MGAM2: variants seen among roughly 807,000 people sequenced by gnomAD.
MGAM2 encodes the protein maltase-glucoamylase 2 (putative).
MGAM2 carries 98 observed loss-of-function variants against 96.1 expected under a neutral mutation model. The ratio of observed to expected loss-of-function variants is 1.02; its 90% CI spans 0.87 to 1.21. The LOEUF is 1.21. Among genes scored for constraint, MGAM2 ranks in the 50% most tolerant of loss-of-function variants. The pLI is 0.00. For synonymous variants in MGAM2, 749 were observed against 414.8 expected, an observed-to-expected ratio of 1.81 and a Z score of -9.79; for missense variants, 2,055 against 1,182.4, an observed-to-expected ratio of 1.74 and a Z score of -10.82.
At chr7:142,115,704 G>A (rs1401979317) in intron 1 of MGAM2, among the ~76,000 whole-genome samples, 1 of 152,068 alleles carries the variant, frequency 6.6e-6, no homozygotes, top group Non-Finnish European at 1.5e-5. Context: ...AATTAGCAGG[G>A]CATGGTGACG....
Position 142,121,996 on chromosome 7 carries a change from G to T in MGAM2, c.186+1615G>T, listed in dbSNP as rs376112575. 4.8e-4 allele frequency among the ~76,000 whole-genome samples: 73 copies of T among 152,114 alleles called. 1 individual carries two copies. In the South Asian group the frequency reaches 0.014, roughly 29 times the overall value. The stretch of plus-strand genomic sequence containing the variant: ...CACAAAGTTAGCTATTGGCTTAAGA[G>T]AATTGTTTTATTGATATATGTTAGG... On this transcript the variant is annotated intron_variant, in intron 3 of 47. Coordinates refer to ENST00000477922, the MANE Select transcript of MGAM2 (RefSeq NM_001293626.2).
chr7:142,197,499 C>T lies in MGAM2; in HGVS notation c.4732C>T (p.His1578Tyr), dbSNP rs1297387637. The T allele has an allele frequency of 1.4e-6, 1 of 703,122 alleles. No homozygotes were observed. Among genetic ancestry groups the T allele is most frequent in the Non-Finnish European group, 2.6e-6 (1 of 385,038 alleles). The allele number at this position is 703,122 out of a possible 1,614,324, so 43.6% of individuals were successfully genotyped here. Residue 1578 changes from histidine (H) to tyrosine (Y), a missense_variant, in exon 41 of 48, where the codon CAT becomes TAT. His to Tyr is a moderately conservative substitution (Grantham distance 83). Transcript: ENST00000477922. ...TLLPYLYTLMHKAHVEGSTVV... is the reference protein window; with the variant it reads ...TLLPYLYTLMYKAHVEGSTVV... ...GCTTCCTTATCTCTATACTCTGATG[C>T]ATAAAGCTCACGTTGAGGGCAGCAC...
chr7:142,211,076 C>T (rs1003423338), intron 46 of MGAM2, among the ~76,000 whole-genome samples: 7 of 152,172 alleles, frequency 4.6e-5, no homozygotes, highest in Non-Finnish European at 7.4e-5. Flanking sequence ...CAGCAAACTC[C>T]AGCAGACCTG....
rs1796055743 is a variant in MGAM2 at position 142,167,273 on chromosome 7, A to G, written c.2814A>G (p.Thr938=). The G allele has an allele frequency of 1.4e-6, 1 of 692,088 alleles. No individual in the cohort carries two copies. The highest frequency in any genetic ancestry group is 2.6e-6 in the Non-Finnish European group (1 of 378,668). The allele number at this position is 692,088 out of a possible 1,614,324, so 42.9% of individuals were successfully genotyped here. ...ACTTTCTCCTGTTATTCCAGGACAC[A>G]TCTACTCCTGGAGTGCCCACCTGTT... is the stretch of plus-strand genomic sequence containing the variant. ...CRQRGCLWED[T]STPGVPTCYY... The change falls in exon 26 of 48, where the codon ACA becomes ACG. Residue 938 remains threonine, a synonymous_variant. Coordinates refer to ENST00000477922, the MANE Select transcript of MGAM2 (RefSeq NM_001293626.2).
At chr7:142,211,386 A>AGCT (rs1003883709) in intron 46 of MGAM2, among the ~76,000 whole-genome samples, 1 of 152,192 alleles carries the variant, frequency 6.6e-6, no homozygotes, top group African/African-American at 2.4e-5. Flanking sequence ...GGTAATAACA[A>AGCT]GCTCCTCCGA....
rs1366902355 is a variant in MGAM2, at chr7:142,131,028, C to G, written c.267C>G (p.Asn89Lys). The G allele has an allele frequency of 1.4e-6, 1 of 702,668 alleles. No homozygotes were observed. The highest frequency in any genetic ancestry group is 2.6e-6 in the Non-Finnish European group (1 of 385,010). 43.5% of individuals were successfully genotyped at this position (702,668 alleles called of 1,614,324 possible). ...TCCCTAGGTGCTTCTTCCCCTGGAA[C>G]TGGGGCTATGAAGCCAGCAATGGCC... ...ANVPRCFFPW[N>K]WGYEASNGHT... Residue 89 changes from asparagine to lysine, a missense_variant, in exon 4 of 48, where the codon AAC (asparagine) becomes AAG (lysine). By Grantham distance (94) the Asn-to-Lys change is moderately conservative (BLOSUM62 0). Transcript: ENST00000477922.
intron 17 of MGAM2, among the ~76,000 whole-genome samples, chr7:142,155,865 G>C (rs1358639528): frequency 6.6e-6 from 1 of 152,180 alleles, no homozygotes; most frequent in Admixed American, 6.5e-5. Context: ...GTACAAAAAG[G>C]CTGGGCACGG....
At chr7:142,118,405 G>A (rs545889853) in intron 2 of MGAM2, among the ~76,000 whole-genome samples, 190 of 152,200 alleles carry the variant, frequency 1.2e-3, no homozygotes, top group African/African-American at 3.6e-3. Context: ...ATGTAGAGCC[G>A]TAAAGATAGT....
intron 3 of MGAM2, 60 bp downstream of exon 3, chr7:142,120,441 T>C (rs1794532166): frequency 1.5e-6 from 1 of 685,314 alleles, no homozygotes; most frequent in Non-Finnish European, 2.7e-6. Context: ...GAAATGAATA[T>C]GTGAAGTGGG....
At chr7:142,182,306 G>A (rs976693511) in intron 32 of MGAM2, among the ~76,000 whole-genome samples, 1 of 152,196 alleles carries the variant, frequency 6.6e-6, no homozygotes, top group Admixed American at 6.5e-5. Context: ...CTCAGGTGGG[G>A]CAGTGGAGGC....
chr7:142,127,704 C>G (rs1383865474), intron 3 of MGAM2, among the ~76,000 whole-genome samples: 4 of 152,176 alleles, frequency 2.6e-5, no homozygotes, highest in African/African-American at 4.8e-5. Context: ...TTCCCCTGCA[C>G]AAGCTCTCTT....
intron 1 of MGAM2, among the ~76,000 whole-genome samples, chr7:142,112,399 T>G (rs978069689): frequency 6.6e-6 from 1 of 152,160 alleles, no homozygotes; most frequent in Non-Finnish European, 1.5e-5. Context: ...CTGCTGCTGA[T>G]TTTTAGAAGC....
At chr7:142,188,748 A>T (rs1444705125) in intron 36 of MGAM2, among the ~76,000 whole-genome samples, 1 of 152,236 alleles carries the variant, frequency 6.6e-6, no homozygotes, top group East Asian at 1.9e-4. Flanking sequence ...CTTTCACTAT[A>T]GTGTTCAATA....
chr7:142,131,514 C>G lies in MGAM2; in HGVS notation c.311-4C>G, dbSNP rs1457603287. On this transcript the variant is annotated splice_region_variant and splice_polypyrimidine_tract_variant and intron_variant, in intron 4 of 47. Transcript: ENST00000477922. ...TCTCTCTCTCCATATCTTGCCACCC[C>G]TAGGATTTACTGCCCAGTTGAAAAG... 20 of 702,654 alleles carry G rather than the reference C, an allele frequency of 2.8e-5. No individual in the cohort carries two copies. The highest frequency in any genetic ancestry group is 4.7e-5 in the Non-Finnish European group (18 of 384,874). 43.5% of individuals were successfully genotyped at this position (702,654 alleles called of 1,614,324 possible).
chr7:142,161,440 C>A (rs1417588995), intron 22 of MGAM2, among the ~76,000 whole-genome samples: 1 of 152,320 alleles, frequency 6.6e-6, no homozygotes, highest in Non-Finnish European at 1.5e-5. Flanking sequence ...ACCAAAGCAA[C>A]TGGCATTATT....
intron 32 of MGAM2, among the ~76,000 whole-genome samples, chr7:142,182,587 T>C (rs191049668): frequency 1.5e-3 from 232 of 152,326 alleles, no homozygotes; most frequent in Middle Eastern, 3.4e-3. Flanking sequence ...CTGCCTACTC[T>C]CCAGGCAGTT....
At position 142,221,659 on chromosome 7, in the gene MGAM2, A is replaced by G. The variant is rs990832515; in HGVS notation, c.7148A>G (p.His2383Arg). Residue 2383 changes from histidine (H) to arginine (R), a missense_variant, in exon 48 of 48, where the codon CAC (histidine) becomes CGC (arginine). Coordinates refer to ENST00000477922, the MANE Select transcript of MGAM2 (RefSeq NM_001293626.2). ...ACTTCCATAGACAAATTCACCACAC[A>G]CATCACACAGTTCGCTACTCCCCAT... The part of the protein sequence containing the change: ...TVTSIDKFTT[H>R]ITQFATPHSA... The G allele has an allele frequency of 2.2e-6, 1 of 450,534 alleles. No homozygotes were observed. The highest frequency in any genetic ancestry group is 2.0e-5 in the African/African-American group (1 of 50,076). 27.9% of individuals were successfully genotyped at this position (450,534 alleles called of 1,614,324 possible).
At chr7:142,150,944 G>A (rs1462679919) in intron 15 of MGAM2, among the ~76,000 whole-genome samples, 1 of 151,974 alleles carries the variant, frequency 6.6e-6, no homozygotes, top group Non-Finnish European at 1.5e-5. Context: ...TGTCCATTTT[G>A]CAAAATATGC....
At chr7:142,201,354 G>T (rs1797226576) in intron 45 of MGAM2, among the ~76,000 whole-genome samples, 1 of 152,044 alleles carries the variant, frequency 6.6e-6, no homozygotes, top group Non-Finnish European at 1.5e-5. Flanking sequence ...ACAGGTATGA[G>T]CCACCGTTCC....
Sources: allele counts gnomAD v4.1 joint callset (sites outside exome capture counted in the v4.1 genomes callset), GRCh38; gene constraint gnomAD v4.1.1; transcripts MANE v1.5; gene names NCBI Gene and HGNC (gene_info 2026-07-23, HGNC 2026-07-21).